The following ITSN2 variants were observed in gnomAD, a reference collection of about 807,000 sequenced individuals.
The protein encoded by ITSN2 is intersectin 2.
Under a neutral mutation model 243.7 loss-of-function variants are expected in ITSN2, and 156 were observed. The ratio of observed to expected loss-of-function variants is 0.64; its 90% CI spans 0.56 to 0.73. The LOEUF (loss-of-function observed/expected upper bound fraction) is 0.73. Among genes scored for constraint, ITSN2 ranks in the 30% least tolerant of loss-of-function variants. ITSN2 has a pLI of 0.00. For synonymous variants in ITSN2, 703 were observed against 699.9 expected, an observed-to-expected ratio of 1.00 and a Z score of -0.07; for missense variants, 1,801 against 1,996.1, an observed-to-expected ratio of 0.90 and a Z score of 1.86.
intron 29 of ITSN2, among the ~76,000 whole-genome samples, chr2:24,244,386 C>T (rs1166188923): frequency 6.6e-6 from 1 of 152,178 alleles, no homozygotes; most frequent in Non-Finnish European, 1.5e-5. Flanking sequence ...GGCCATGGTC[C>T]TGTCCTTCCT....
chr2:24,333,624 C>T (rs1228345680), intron 1 of ITSN2, among the ~76,000 whole-genome samples: 1 of 152,124 alleles, frequency 6.6e-6, no homozygotes, highest in Non-Finnish European at 1.5e-5. Context: ...TGGCATTGTT[C>T]CCTTTGTAGA....
At chr2:24,205,548 G>A in intron 37 of ITSN2, 1 of 439,298 alleles carries the variant, frequency 2.3e-6, no homozygotes, top group Non-Finnish European at 4.3e-6. Flanking sequence ...ATGCAGGTCT[G>A]ATCCCACATC....
chr2:24,308,976 G>A, intron 7 of ITSN2: 1 of 534,542 alleles, frequency 1.9e-6, no homozygotes, highest in Non-Finnish European at 3.6e-6. Context: ...AGTGGCATTA[G>A]ATTCTCATAA....
Position 24,300,102 on chromosome 2 carries a change from G to C in ITSN2, c.1151C>G (p.Ala384Gly). ...GNMELEKRRQALMEQQQREAE... is the reference protein window; with the variant it reads ...GNMELEKRRQGLMEQQQREAE... ...CTCCCTTTGTTGCTGCTCCATCAAGGCTTGGCGTCGCTTTTCCAGCTCCAT... is the reference window on the plus strand; with the variant it reads ...CTCCCTTTGTTGCTGCTCCATCAAGCCTTGGCGTCGCTTTTCCAGCTCCAT... Residue 384 changes from alanine to glycine, a missense_variant, in exon 12 of 40, where the codon GCC (alanine) becomes GGC (glycine). This residue lies in a region of ITSN2 where 787 missense variants were observed against 803.9 expected (regional missense o/e 0.98). Coordinates refer to ENST00000355123, the MANE Select transcript of ITSN2 (RefSeq NM_006277.3). 1 of 1,614,032 alleles carries C rather than the reference G, an allele frequency of 6.2e-7. No individual in the cohort carries two copies. Among genetic ancestry groups the C allele is most frequent in the Middle Eastern group, 1.6e-4 (1 of 6,062 alleles).
intron 1 of ITSN2, among the ~76,000 whole-genome samples, chr2:24,351,785 C>T (rs1002843608): frequency 2.6e-5 from 4 of 152,074 alleles, no homozygotes; most frequent in African/African-American, 9.7e-5. Flanking sequence ...GTTATCAGAC[C>T]GACTGTCACA....
At chr2:24,355,776 A>G (rs773581847) in intron 1 of ITSN2, among the ~76,000 whole-genome samples, 1 of 152,246 alleles carries the variant, frequency 6.6e-6, no homozygotes, top group African/African-American at 2.4e-5. Context: ...AAAAGAAACT[A>G]TCATCAGGCT....
At chr2:24,318,385 A>T (rs1444590813) in intron 2 of ITSN2, among the ~76,000 whole-genome samples, 1 of 152,012 alleles carries the variant, frequency 6.6e-6, no homozygotes, top group Non-Finnish European at 1.5e-5. Flanking sequence ...GGCTCAAGTG[A>T]TCCTCCTGCC....
intron 29 of ITSN2, among the ~76,000 whole-genome samples, chr2:24,234,872 G>C (rs1007489379): frequency 1.3e-5 from 2 of 152,204 alleles, no homozygotes; most frequent in African/African-American, 4.8e-5. Flanking sequence ...TGGAACAACA[G>C]GAACTTTCAT....
chr2:24,206,357 TG>T (rs940716389), intron 37 of ITSN2: 21 of 356,056 alleles, frequency 5.9e-5, no homozygotes, highest in East Asian at 5.4e-4. Flanking sequence ...GCAGGCTGCA[TG>T]GGGGGGCCCG....
At chr2:24,334,225 A>C (rs1686097654) in intron 1 of ITSN2, among the ~76,000 whole-genome samples, 1 of 151,978 alleles carries the variant, frequency 6.6e-6, no homozygotes, top group South Asian at 2.1e-4. Flanking sequence ...CGCCCAGCTA[A>C]TTTTTGTATT....
Position 24,204,510 on chromosome 2 carries a change from T to A in ITSN2, c.4763-92A>T. 1 of 1,163,098 alleles carries A rather than the reference T, an allele frequency of 8.6e-7. No homozygotes were observed. The highest frequency in any genetic ancestry group is 1.3e-6 in the Non-Finnish European group (1 of 771,640). The allele number at this position is 1,163,098 out of a possible 1,614,324, so 72.0% of individuals were successfully genotyped here. The stretch of plus-strand genomic sequence containing the variant: ...TCCCTGAGCAGAAGCAGGATTCCAA[T>A]AATGGGTCACTCGAGACCATGGCAG... On this transcript the variant is annotated intron_variant, in intron 38 of 39. Transcript: ENST00000355123. The surrounding 1 kb of genome is among the most constrained non-coding windows in gnomAD (Gnocchi z 5.1).
chr2:24,220,106 G>A (rs1573896654), intron 30 of ITSN2, among the ~76,000 whole-genome samples: 3 of 152,348 alleles, frequency 2.0e-5, no homozygotes, highest in African/African-American at 7.2e-5. Context: ...AAGGTGGAGA[G>A]TGAATCCAGG....
At chr2:24,208,472 C>T (rs1313537461) in intron 36 of ITSN2, among the ~76,000 whole-genome samples, 153 bp from the exon 37 acceptor site, 1 of 152,176 alleles carries the variant, frequency 6.6e-6, no homozygotes, top group Non-Finnish European at 1.5e-5. Flanking sequence ...CTGAAAGATG[C>T]TTATGCTAAT....
intron 18 of ITSN2, among the ~76,000 whole-genome samples, chr2:24,274,338 G>A (rs778851317): frequency 1.3e-5 from 2 of 152,174 alleles, no homozygotes; most frequent in Non-Finnish European, 2.9e-5. Context: ...AGAAGGCCAA[G>A]GTGGGCAGAT....
chr2:24,221,288 A>G (rs1670428878), intron 29 of ITSN2: 6 of 505,600 alleles, frequency 1.2e-5, no homozygotes, highest in Non-Finnish European at 2.1e-5. Context: ...CAATGTCTGT[A>G]ACATTTCAAT....
Position 24,249,842 on chromosome 2 carries a change from C to T in ITSN2, c.3121-960G>A, listed in dbSNP as rs1393948858. ...TAGAACCTGGAAATAGTCCTTGAGC[C>T]TCTTTCAGGGGTCTGTGGGATAAAA... On this transcript the variant is annotated intron_variant, in intron 25 of 39. Coordinates refer to ENST00000355123, the MANE Select transcript of ITSN2 (RefSeq NM_006277.3). This position sits in a 1 kb window ranked among gnomAD's most constrained non-coding sequence, Gnocchi z 4.4. Among the ~76,000 whole-genome samples the T allele has an allele frequency of 3.9e-5, 6 of 152,168 alleles. No homozygotes were observed. In the East Asian group the frequency reaches 9.6e-4, roughly 24 times the overall value.
chr2:24,223,857 A>AG (rs1553344477), intron 29 of ITSN2, among the ~76,000 whole-genome samples: 67 of 15,070 alleles, frequency 4.4e-3, no homozygotes, highest in South Asian at 0.011. Flanking sequence ...AAAGAAAGAA[A>AG]GAAAGGAAAG....
chr2:24,252,657 G>A (rs1055720542), intron 24 of ITSN2, 146 bp from the exon 25 acceptor site: 7 of 447,474 alleles, frequency 1.6e-5, no homozygotes, highest in African/African-American at 1.2e-4. Context: ...AAGATCTAAA[G>A]GTAGAAAAAG....
intron 2 of ITSN2, among the ~76,000 whole-genome samples, chr2:24,327,316 T>A (rs78650152): frequency 2.0e-5 from 3 of 151,706 alleles, no homozygotes; most frequent in Non-Finnish European, 4.4e-5. Context: ...CTTTTTTTTT[T>A]AAATGGAGTC....
Sources: gnomAD v4.1 joint callset for allele counts (sites outside exome capture counted in the v4.1 genomes callset) on GRCh38, gnomAD v4.1.1 for gene constraint, gnomAD v4.1.1 regional missense constraint, Gnocchi (gnomAD v3.1) non-coding constraint, MANE v1.5 for transcripts, NCBI Gene and HGNC (gene_info 2026-07-23, HGNC 2026-07-21) for gene names.